The following MYH2 variants were observed in gnomAD, a reference collection of about 807,000 sequenced individuals.
The protein encoded by MYH2 is myosin heavy chain 2, also known as myosin-2.
A neutral mutation model predicts 228.1 loss-of-function variants in MYH2; 139 were observed. That is an observed-to-expected ratio of 0.61 (90% CI 0.53 to 0.70). The LOEUF is 0.70. Ranked by LOEUF, MYH2 falls within the 30% of genes least tolerant of loss-of-function variation. The pLI is 0.00. For synonymous variants in MYH2, 796 were observed against 871.1 expected (o/e 0.91, Z 1.52); for missense variants, 1,809 against 2,357.5 (o/e 0.77, Z 4.82).
At chr17:10,540,922 G>T (rs949351474) in intron 10 of MYH2, among the ~76,000 whole-genome samples, 1 of 152,114 alleles carries the variant, frequency 6.6e-6, no homozygotes, top group Non-Finnish European at 1.5e-5. Flanking sequence ...TGTCTTTACT[G>T]CATTCTCTGA....
chr17:10,528,071 G>A (rs1387370845), intron 27 of MYH2, among the ~76,000 whole-genome samples, 197 bp from the exon 28 acceptor site: 1 of 128,138 alleles, frequency 7.8e-6, no homozygotes. Context: ...TTGAGACAGA[G>A]TCTTGCTCTG....
Position 10,542,909 on chromosome 17 carries a change from G to A in MYH2, c.870C>T (p.Tyr290=), listed in dbSNP as rs1333693399. The A allele has an allele frequency of 6.2e-7, 1 of 1,610,904 alleles. No individual in the cohort carries two copies. The highest frequency in any genetic ancestry group is 2.2e-5 in the East Asian group (1 of 44,656). The change falls in exon 10 of 40, where the codon TAC becomes TAT. Residue 290 remains tyrosine, a synonymous_variant. Transcript: ENST00000245503. ...LKAERSYHIF[Y]QITSNKKPEL... ...CTGGTTTCTTATTCGATGTAATCTGGTAAAAAATATGATAACTTCTCTCAG... is the reference window on the plus strand; with the variant it reads ...CTGGTTTCTTATTCGATGTAATCTGATAAAAAATATGATAACTTCTCTCAG...
rs755613881 is a variant in MYH2, at chr17:10,529,398, C to T, written c.3201G>A (p.Leu1067=). 1 of 1,614,136 alleles carries T rather than the reference C, an allele frequency of 6.2e-7. No individual in the cohort carries two copies. Among genetic ancestry groups the T allele is most frequent in the Non-Finnish European group, 8.5e-7 (1 of 1,180,032 alleles). The part of the protein sequence containing the change: ...AKRKLEGDLK[L]AQESIMDIEN... The stretch of plus-strand genomic sequence containing the variant: ...CAATGTCCATTATGGATTCTTGGGC[C>T]AACTTCAAGTCACCCTCAAGTTTCC... Residue 1067 remains leucine (L), a synonymous_variant, in exon 25 of 40, where the codon TTG becomes TTA. Coordinates refer to ENST00000245503, the MANE Select transcript of MYH2 (RefSeq NM_017534.6).
At position 10,526,680 on chromosome 17, in the gene MYH2, T is replaced by C; in HGVS notation, c.4106A>G (p.Lys1369Arg). The C allele has an allele frequency of 6.2e-7, 1 of 1,614,092 alleles. No individual in the cohort carries two copies. Among genetic ancestry groups the C allele is most frequent in the Non-Finnish European group, 8.5e-7 (1 of 1,179,918 alleles). ...CCATTGGGCAACCTCGGTGTTGGCC[T>C]TGGACAGTGCTCTCTGCAGCTCGGC... ...SKAELQRALS[K>R]ANTEVAQWRT... The change falls in exon 30 of 40, where the codon AAG becomes AGG. Residue 1369 changes from lysine to arginine, a missense_variant. Around this residue, in one of 9 missense-constraint regions of MYH2, gnomAD observed 636 missense variants for 729.9 expected, o/e 0.87. Transcript: ENST00000245503.
intron 21 of MYH2, among the ~76,000 whole-genome samples, chr17:10,532,766 A>G (rs943163148): frequency 3.3e-5 from 5 of 152,186 alleles, no homozygotes; most frequent in Non-Finnish European, 1.5e-5. Context: ...CTGTCCTTGC[A>G]TCAAATTAGA....
intron 17 of MYH2, 36 bp from the exon 18 acceptor site, chr17:10,535,401 C>T (rs1405462279): frequency 6.4e-7 from 1 of 1,558,488 alleles, no homozygotes; most frequent in South Asian, 1.1e-5. Context: ...ATTTTAGGCT[C>T]TAGACATGGA....
rs79208531 is a variant in MYH2, at chr17:10,536,937, C to A, written c.1897+296G>T. Among the ~76,000 whole-genome samples, 111 of 152,250 alleles carry A rather than the reference C, an allele frequency of 7.3e-4. 2 individuals carry two copies. The East Asian group carries it at 8.3e-3, about 11-fold the overall frequency. ...GTCACTCTGTTGCCTAAGATTTATA[C>A]CCTCAGATACTCTATATATCCTGCA... On this transcript the variant is annotated intron_variant, in intron 16 of 39. Coordinates refer to ENST00000245503, the MANE Select transcript of MYH2 (RefSeq NM_017534.6).
intron 28 of MYH2, 92 bp from the exon 29 acceptor site, chr17:10,527,148 A>G: frequency 8.8e-7 from 1 of 1,133,616 alleles, no homozygotes; most frequent in East Asian, 2.4e-5. Flanking sequence ...TTATTTTCCC[A>G]AATTGAGTGC....
In MYH2 at chr17:10,523,392, C is replaced by T. The variant is rs758471385; in HGVS notation, c.5493G>A (p.Glu1831=). 1.9e-6 allele frequency: 3 copies of T among 1,614,196 alleles called. No individual in the cohort carries two copies. The highest frequency in any genetic ancestry group is 4.5e-5 in the East Asian group (2 of 44,874). The change falls in exon 38 of 40, where the codon GAG becomes GAA. Residue 1831 remains glutamate, a synonymous_variant. Transcript: ENST00000245503. Reference sequence around the variant, plus strand: ...CATTACGCTTTTGCTCACTCTCAACCTCTCCTTCCAGCTCCCGTACCTGCA... The same window carrying T: ...CATTACGCTTTTGCTCACTCTCAACTTCTCCTTCCAGCTCCCGTACCTGCA... ...LEARVRELEG[E]VESEQKRNAE... is the part of the protein sequence containing the mutation.
chr17:10,542,576 T>C (rs1275980831), intron 10 of MYH2, among the ~76,000 whole-genome samples: 1 of 152,200 alleles, frequency 6.6e-6, no homozygotes, highest in African/African-American at 2.4e-5. Context: ...GAAAATTGTA[T>C]GTATGTATCT....
chr17:10,523,707 ATG>A (rs1283921727), intron 36 of MYH2, 41 bp from the exon 37 acceptor site: 1 of 1,614,214 alleles, frequency 6.2e-7, no homozygotes, highest in East Asian at 2.2e-5. Flanking sequence ...AAAGTTATAG[ATG>A]TCAGGAAATC....
Position 10,537,182 on chromosome 17 carries a change from A to G in MYH2, c.1897+51T>C. Reference sequence around the variant, plus strand: ...CCTAAGAGATCACTAGCTTCAATTTAACATCACATTTTGTAATACCTAGAG... The same window carrying G: ...CCTAAGAGATCACTAGCTTCAATTTGACATCACATTTTGTAATACCTAGAG... On this transcript the variant is annotated intron_variant, in intron 16 of 39. Coordinates refer to ENST00000245503, the MANE Select transcript of MYH2 (RefSeq NM_017534.6). The surrounding 1 kb of genome is among the most constrained non-coding windows in gnomAD (Gnocchi z 4.0). 1.2e-6 allele frequency: 2 copies of G among 1,610,396 alleles called. No homozygotes were observed. Among genetic ancestry groups the G allele is most frequent in the South Asian group, 1.1e-5 (1 of 91,022 alleles).
At position 10,529,529 on chromosome 17, in the gene MYH2, G is replaced by A. The variant is rs753360922; in HGVS notation, c.3117+35C>T. On this transcript the variant is annotated intron_variant, in intron 24 of 39. Transcript: ENST00000245503. Reference sequence around the variant, plus strand: ...CAGAAGGAATGCTTATCTTCCTTTAGAAGAAAAGAATGTCCTTGATGATAC... The same window carrying A: ...CAGAAGGAATGCTTATCTTCCTTTAAAAGAAAAGAATGTCCTTGATGATAC... 8 of 1,614,040 alleles carry A rather than the reference G, an allele frequency of 5.0e-6. No homozygotes were observed. In the African/African-American group the frequency reaches 1.1e-4, roughly 22 times the overall value.
rs150452920 is a variant in MYH2 at position 10,537,271 on chromosome 17, A to G, written c.1859T>C (p.Leu620Pro). Residue 620 changes from leucine (L) to proline (P), a missense_variant, in exon 16 of 40, where the codon CTA (leucine) becomes CCA (proline). Transcript: ENST00000245503. This position sits in a 1 kb window ranked among gnomAD's most constrained non-coding sequence, Gnocchi z 4.0. ...TTGAGCCCCAGAGAAGAGCTGAGCTAGAGTTTTCATTGCAGACTTCTGGTA... is the reference window on the plus strand; with the variant it reads ...TTGAGCCCCAGAGAAGAGCTGAGCTGGAGTTTTCATTGCAGACTTCTGGTA... ...GLYQKSAMKTLAQLFSGAQTA... is the reference protein window; with the variant it reads ...GLYQKSAMKTPAQLFSGAQTA... 4.3e-6 allele frequency: 7 copies of G among 1,614,132 alleles called. No individual in the cohort carries two copies. Among genetic ancestry groups the G allele is most frequent in the Non-Finnish European group, 5.9e-6 (7 of 1,180,054 alleles).
At chr17:10,540,161 A>G in intron 11 of MYH2, 95 bp from the exon 12 acceptor site, 1 of 1,544,250 alleles carries the variant, frequency 6.5e-7, no homozygotes, top group East Asian at 2.3e-5. Context: ...GGAAACTACC[A>G]GTGCTAATGG....
chr17:10,542,808 T>A, intron 10 of MYH2, 67 bp downstream of exon 10: 1 of 1,011,434 alleles, frequency 9.9e-7, no homozygotes. Flanking sequence ...CATAGAATAC[T>A]AGGTTGGACT....
At chr17:10,536,064 A>C (rs918240225) in intron 17 of MYH2, among the ~76,000 whole-genome samples, 2 of 152,352 alleles carry the variant, frequency 1.3e-5, no homozygotes, top group Non-Finnish European at 2.9e-5. Flanking sequence ...TTGACTTAGC[A>C]TGAAAAGTGA....
intron 38 of MYH2, 35 bp from the exon 39 acceptor site, chr17:10,523,220 C>A (rs1257725382): frequency 6.2e-7 from 1 of 1,606,278 alleles, no homozygotes; most frequent in South Asian, 1.1e-5. Context: ...ACCTTAATTA[C>A]TAAAGCACAT....
At position 10,533,265 on chromosome 17, in the gene MYH2, A is replaced by C; in HGVS notation, c.2441+20T>G. ...TATGTTTTTGAAGATGGAATATGTG[A>C]ATAAACATATTTTTTATACCTTCTC... is the stretch of plus-strand genomic sequence containing the variant. On this transcript the variant is annotated intron_variant, in intron 21 of 39. Coordinates refer to ENST00000245503, the MANE Select transcript of MYH2 (RefSeq NM_017534.6). 6.2e-7 allele frequency: 1 copy of C among 1,613,668 alleles called. No individual in the cohort carries two copies.
Sources: gnomAD v4.1 joint callset for allele counts (sites outside exome capture counted in the v4.1 genomes callset) on GRCh38, gnomAD v4.1.1 for gene constraint, gnomAD v4.1.1 regional missense constraint, Gnocchi (gnomAD v3.1) non-coding constraint, MANE v1.5 for transcripts, NCBI Gene and HGNC (gene_info 2026-07-23, HGNC 2026-07-21) for gene names.